Variants in ADAM9 observed in about 807,000 individuals in gnomAD.
The protein encoded by ADAM9 is disintegrin and metalloproteinase domain-containing protein 9.
In ADAM9, 54 loss-of-function variants were observed where a neutral mutation model predicts 108.1. The ratio of observed to expected loss-of-function variants is 0.50; its 90% CI spans 0.40 to 0.63. ADAM9 has a LOEUF of 0.63. Among genes scored for constraint, ADAM9 ranks in the 20% least tolerant of loss-of-function variants. ADAM9 has a pLI of 0.00. For missense variants in ADAM9, 830 were observed against 997.7 expected (o/e 0.83, Z 2.26); for synonymous variants, 316 against 336.0 (o/e 0.94, Z 0.65).
intron 11 of ADAM9, among the ~76,000 whole-genome samples, chr8:39,036,213 A>G (rs1200191294): frequency 1.3e-5 from 2 of 152,112 alleles, no homozygotes; most frequent in African/African-American, 4.8e-5. Context: ...TAGATTCTGG[A>G]AAGTGTGAGT....
At chr8:39,004,639 G>C (rs1836104556) in intron 1 of ADAM9, among the ~76,000 whole-genome samples, 1 of 152,118 alleles carries the variant, frequency 6.6e-6, no homozygotes, top group Non-Finnish European at 1.5e-5. Flanking sequence ...ACAGTGGCAC[G>C]GGCTGCTCAG....
At chr8:39,031,117 C>T (rs1345067414) in intron 11 of ADAM9, among the ~76,000 whole-genome samples, 1 of 152,126 alleles carries the variant, frequency 6.6e-6, no homozygotes, top group Non-Finnish European at 1.5e-5. Flanking sequence ...TGTGTTGTAT[C>T]TAAAAAATAA....
chr8:39,045,412 G>A (rs369951330), intron 12 of ADAM9, among the ~76,000 whole-genome samples: 4,378 of 39,722 alleles, frequency 0.11, 561 homozygotes, highest in East Asian at 0.2. Context: ...CTATATGTGC[G>A]CGTGTGTACA....
intron 5 of ADAM9, among the ~76,000 whole-genome samples, chr8:39,016,477 T>G (rs1836530987): frequency 6.6e-6 from 1 of 152,212 alleles, no homozygotes; most frequent in Non-Finnish European, 1.5e-5. Context: ...CTGTAGCACT[T>G]TATATTTATA....
At chr8:39,036,501 A>G (rs929995677) in intron 11 of ADAM9, among the ~76,000 whole-genome samples, 4 of 152,150 alleles carry the variant, frequency 2.6e-5, no homozygotes, top group African/African-American at 9.7e-5. Context: ...TCCATGTAAA[A>G]CATTTTCATT....
chr8:39,019,322 C>T (rs1333725907), intron 7 of ADAM9, among the ~76,000 whole-genome samples: 1 of 152,056 alleles, frequency 6.6e-6, no homozygotes, highest in East Asian at 1.9e-4. Context: ...CTATATTGCA[C>T]TTTGAGAGAT....
At chr8:39,044,812 TTC>T (rs1303421536) in intron 12 of ADAM9, among the ~76,000 whole-genome samples, 1 of 152,098 alleles carries the variant, frequency 6.6e-6, no homozygotes, top group Admixed American at 6.5e-5. Context: ...CATGATTTCA[TTC>T]TTTTTTATGG....
rs1282154032 is a variant in ADAM9, at chr8:39,105,238, T to C, written c.*1538T>C. 1 of 422,664 alleles carries C rather than the reference T, an allele frequency of 2.4e-6. No individual in the cohort carries two copies. The highest frequency in any genetic ancestry group is 1.8e-5 in the South Asian group (1 of 56,988). 26.2% of individuals were successfully genotyped at this position (422,664 alleles called of 1,614,324 possible). On this transcript the variant is annotated 3_prime_UTR_variant, in exon 22 of 22. Coordinates refer to ENST00000487273, the MANE Select transcript of ADAM9 (RefSeq NM_003816.3). ...TTATTTTAACAATCAAGTATACATA[T>C]TAAAAATTGTGAGCAATCTCAAATG... is the stretch of plus-strand genomic sequence containing the variant.
intron 7 of ADAM9, 62 bp from the exon 8 acceptor site, chr8:39,021,581 G>T: frequency 3.4e-6 from 5 of 1,460,994 alleles, no homozygotes; most frequent in Non-Finnish European, 4.8e-6. Context: ...ACTGCACCCG[G>T]CCTTACATTT....
chr8:39,070,192 G>A (rs910049369), intron 14 of ADAM9, among the ~76,000 whole-genome samples: 11 of 148,254 alleles, frequency 7.4e-5, no homozygotes, highest in South Asian at 2.1e-4. Flanking sequence ...GTAACTGCCC[G>A]TTTTCAATAC....
intron 13 of ADAM9, 61 bp from the exon 14 acceptor site, chr8:39,055,516 T>A (rs2129438773): frequency 6.5e-7 from 1 of 1,533,558 alleles, no homozygotes; most frequent in Admixed American, 1.7e-5. Flanking sequence ...TGGTTTCACA[T>A]TTGATTAATT....
chr8:39,037,236 T>A (rs1265292871), intron 11 of ADAM9, among the ~76,000 whole-genome samples: 2 of 149,300 alleles, frequency 1.3e-5, no homozygotes, highest in Non-Finnish European at 3.0e-5. Flanking sequence ...TTTTTTTTTT[T>A]ATTTTTAGTA....
intron 14 of ADAM9, among the ~76,000 whole-genome samples, chr8:39,066,363 A>C (rs202238931): frequency 1.3e-5 from 2 of 152,190 alleles, no homozygotes; most frequent in East Asian, 1.9e-4. Flanking sequence ...TTTACAGTCC[A>C]ACCAACAGTG....
At chr8:39,094,324 C>G (rs1390450665) in intron 20 of ADAM9, among the ~76,000 whole-genome samples, 1 of 152,264 alleles carries the variant, frequency 6.6e-6, no homozygotes, top group Admixed American at 6.5e-5. Context: ...ATTCAGTTTG[C>G]TAGTATTTTG....
chr8:39,059,665 A>G (rs1432569934), intron 14 of ADAM9, among the ~76,000 whole-genome samples: 4 of 152,254 alleles, frequency 2.6e-5, no homozygotes, highest in Admixed American at 2.6e-4. Flanking sequence ...CATAGCCCAT[A>G]AATTGGTGTA....
chr8:39,034,354 A>G (rs972326995), intron 11 of ADAM9, among the ~76,000 whole-genome samples: 1 of 152,184 alleles, frequency 6.6e-6, no homozygotes, highest in Non-Finnish European at 1.5e-5. Flanking sequence ...CACAGTTCAA[A>G]GGCTATATCG....
At chr8:39,045,453 C>CCTATATGTGCGTGTGTGTACACACAT (rs1837716603) in intron 12 of ADAM9, among the ~76,000 whole-genome samples, 1 of 146,980 alleles carries the variant, frequency 6.8e-6, no homozygotes, top group Admixed American at 6.7e-5. Flanking sequence ...TGTACACACA[C>CCTATATGTGCGTGTGTGTACACACAT]CTATATGTGC....
intron 11 of ADAM9, among the ~76,000 whole-genome samples, chr8:39,031,957 T>G (rs1837107671): frequency 6.6e-6 from 1 of 152,168 alleles, no homozygotes; most frequent in African/African-American, 2.4e-5. Context: ...TCCAGACCCT[T>G]TTTGCCTGGG....
intron 12 of ADAM9, among the ~76,000 whole-genome samples, chr8:39,044,484 G>C (rs557313348): frequency 7.6e-4 from 116 of 152,242 alleles, no homozygotes; most frequent in African/African-American, 2.8e-3. Flanking sequence ...GGGTACATAT[G>C]TATGTTTGTT....
Sources: allele counts gnomAD v4.1 joint callset (sites outside exome capture counted in the v4.1 genomes callset), GRCh38; gene constraint gnomAD v4.1.1; transcripts MANE v1.5; gene names NCBI Gene and HGNC (gene_info 2026-07-23, HGNC 2026-07-21).